The following USP34 variants were observed in gnomAD, a reference collection of about 807,000 sequenced individuals.
USP34 encodes ubiquitin carboxyl-terminal hydrolase 34.
In USP34, 70 loss-of-function variants were observed where a neutral mutation model predicts 460.3. The ratio of observed to expected loss-of-function variants is 0.15; its 90% CI spans 0.13 to 0.19. The LOEUF is 0.19. Among genes scored for constraint, USP34 ranks in the 10% least tolerant of loss-of-function variants. The pLI, the probability that USP34 is intolerant of heterozygous loss-of-function variation, is 1.00. For synonymous variants in USP34, 1,647 were observed against 1,405.3 expected, an observed-to-expected ratio of 1.17 and a Z score of -3.85; for missense variants, 3,985 against 4,236.2, an observed-to-expected ratio of 0.94 and a Z score of 1.65.
At chr2:61,310,863 T>C (rs1690570116) in intron 27 of USP34, among the ~76,000 whole-genome samples, 2 of 152,154 alleles carry the variant, frequency 1.3e-5, no homozygotes, top group South Asian at 4.1e-4. Context: ...TTTAAAGTTA[T>C]CAAAAATTCC....
intron 1 of USP34, among the ~76,000 whole-genome samples, chr2:61,445,257 C>G (rs3980929): frequency 1.6e-4 from 24 of 148,454 alleles, no homozygotes; most frequent in Admixed American, 1.4e-3. Flanking sequence ...AAATGCTGGC[C>G]GGGCCCGGTG....
chr2:61,444,224 G>A (rs1218810621), intron 1 of USP34, among the ~76,000 whole-genome samples: 1 of 152,102 alleles, frequency 6.6e-6, no homozygotes, highest in African/African-American at 2.4e-5. Flanking sequence ...TCCAGCCTGG[G>A]TGACAGAGCA....
chr2:61,263,173 A>ATTT (rs36015748), intron 43 of USP34, among the ~76,000 whole-genome samples: 2,729 of 97,576 alleles, frequency 0.028, 109 homozygotes, highest in Non-Finnish European at 0.037. Context: ...CACACATGGA[A>ATTT]TTTTTTTTTT....
chr2:61,470,584 A>T, intron 1 of USP34, 66 bp downstream of exon 1: 1 of 1,108,608 alleles, frequency 9.0e-7, no homozygotes, highest in Non-Finnish European at 1.3e-6. Context: ...CAGCCCGGGG[A>T]GGCCAGAGAG....
At chr2:61,350,726 A>G in intron 10 of USP34, 33 bp from the exon 11 acceptor site, 3 of 1,599,718 alleles carry the variant, frequency 1.9e-6, no homozygotes, top group Non-Finnish European at 2.6e-6. Flanking sequence ...ATGGTCAAAA[A>G]TAATTGCCCA....
intron 1 of USP34, among the ~76,000 whole-genome samples, chr2:61,464,717 CAAAAAAAA>C (rs35331685): frequency 1.3e-4 from 10 of 77,996 alleles, no homozygotes; most frequent in Non-Finnish European, 2.2e-4. Flanking sequence ...GACTCCGTCT[CAAAAAAAA>C]AAAAAAAAAA....
intron 12 of USP34, among the ~76,000 whole-genome samples, chr2:61,349,705 G>A (rs563896230): frequency 1.1e-4 from 17 of 152,022 alleles, no homozygotes; most frequent in Non-Finnish European, 2.1e-4. Flanking sequence ...GCTGGGCGTG[G>A]TGGCGGGCAC....
intron 21 of USP34, among the ~76,000 whole-genome samples, chr2:61,324,193 G>A (rs1159049131): frequency 1.3e-5 from 2 of 152,300 alleles, no homozygotes; most frequent in East Asian, 3.9e-4. Flanking sequence ...GGAAAAAGGA[G>A]CTTTGGCTAA....
At chr2:61,404,863 GT>G (rs1448844390) in intron 3 of USP34, among the ~76,000 whole-genome samples, 1 of 152,026 alleles carries the variant, frequency 6.6e-6, no homozygotes, top group Admixed American at 6.6e-5. Flanking sequence ...TCTAAGATAG[GT>G]TACTACATAC....
Position 61,301,288 on chromosome 2 carries a change from C to T in USP34, c.3918+66G>A. On this transcript the variant is annotated intron_variant, in intron 28 of 79. Coordinates refer to ENST00000398571, the MANE Select transcript of USP34 (RefSeq NM_014709.4). ...AATAAGAGCTGTTTTTAAACTACAT[C>T]TGCGACTATTCAACTGATGATTATA... 3 of 1,550,476 alleles carry T rather than the reference C, an allele frequency of 1.9e-6. No individual in the cohort carries two copies. The South Asian group carries it at 3.6e-5, about 18-fold the overall frequency.
At chr2:61,225,911 C>T (rs1307229797) in intron 62 of USP34, among the ~76,000 whole-genome samples, 1 of 152,118 alleles carries the variant, frequency 6.6e-6, no homozygotes, top group Non-Finnish European at 1.5e-5. Flanking sequence ...CCTTCTTGAG[C>T]TTAAGAACAC....
chr2:61,361,112 G>C (rs1337653999), intron 10 of USP34, among the ~76,000 whole-genome samples: 1 of 152,150 alleles, frequency 6.6e-6, no homozygotes, highest in Non-Finnish European at 1.5e-5. Flanking sequence ...CATGACTACA[G>C]TAATCAAAAC....
intron 19 of USP34, among the ~76,000 whole-genome samples, chr2:61,333,326 G>A (rs953427659): frequency 6.6e-6 from 1 of 151,984 alleles, no homozygotes; most frequent in African/African-American, 2.4e-5. Context: ...CGTAATATTC[G>A]CAGAATGCAT....
chr2:61,407,219 T>C (rs1693899778), intron 2 of USP34, among the ~76,000 whole-genome samples: 1 of 152,070 alleles, frequency 6.6e-6, no homozygotes, highest in Non-Finnish European at 1.5e-5. Flanking sequence ...GGCCCATCTC[T>C]ACAAAAACAT....
chr2:61,273,851 G>T (rs1246641770), intron 41 of USP34, among the ~76,000 whole-genome samples: 3 of 152,018 alleles, frequency 2.0e-5, no homozygotes, highest in African/African-American at 4.8e-5. Flanking sequence ...TTTGAAAAAG[G>T]AAGCATTTGT....
intron 32 of USP34, among the ~76,000 whole-genome samples, chr2:61,294,468 G>T (rs1040521841): frequency 1.3e-5 from 2 of 152,020 alleles, no homozygotes; most frequent in Non-Finnish European, 2.9e-5. Flanking sequence ...GCCCAGGCTG[G>T]AGTGCTGTGG....
intron 10 of USP34, among the ~76,000 whole-genome samples, chr2:61,366,401 A>C (rs1368312076): frequency 6.6e-6 from 1 of 152,214 alleles, no homozygotes; most frequent in Non-Finnish European, 1.5e-5. Flanking sequence ...ACGGGACTTA[A>C]ATGAAGTTTT....
In USP34 at chr2:61,262,134, GAT is replaced by G. The variant is rs1432192896; in HGVS notation, c.5779-2360_5779-2359del. Among the ~76,000 whole-genome samples, 539 of 68,920 alleles carry G rather than the reference GAT, an allele frequency of 7.8e-3. 4 individuals carry two copies. Among genetic ancestry groups the G allele is most frequent in the African/African-American group, 0.024 (512 of 21,164 alleles). 45.2% of individuals were successfully genotyped at this position (68,920 alleles called of 152,430 possible). ...AAAAAAAAATATATATATATATATA[GAT>G]AGATAGATAGATAGATAGATATAGA... On this transcript the variant is annotated intron_variant, in intron 43 of 79. Coordinates refer to ENST00000398571, the MANE Select transcript of USP34 (RefSeq NM_014709.4).
chr2:61,257,564 T>G lies in USP34; in HGVS notation c.5845-214A>C, dbSNP rs574735917. Among the ~76,000 whole-genome samples the G allele has an allele frequency of 2.0e-5, 3 of 152,308 alleles. No individual in the cohort carries two copies. In the East Asian group the frequency reaches 5.8e-4, roughly 29 times the overall value. ...ATTCTTAAATTACCTAGGATATTTG[T>G]ATTTTCAAGTCAAGGAATTTCTAGG... On this transcript the variant is annotated intron_variant, in intron 44 of 79. Coordinates refer to ENST00000398571, the MANE Select transcript of USP34 (RefSeq NM_014709.4).
Sources: gnomAD v4.1 joint callset for allele counts (sites outside exome capture counted in the v4.1 genomes callset) on GRCh38, gnomAD v4.1.1 for gene constraint, MANE v1.5 for transcripts, NCBI Gene and HGNC (gene_info 2026-07-23, HGNC 2026-07-21) for gene names.